Variants in MYO1D observed in about 807,000 individuals in gnomAD.
MYO1D encodes the protein unconventional myosin-Id.
MYO1D carries 83 observed loss-of-function variants against 122.0 expected under a neutral mutation model. The ratio of observed to expected loss-of-function variants is 0.68; its 90% CI spans 0.57 to 0.82. MYO1D has a LOEUF of 0.82. MYO1D is among the 40% of genes least tolerant of loss of function. The pLI is 0.00. For missense variants in MYO1D, 1,157 were observed against 1,269.5 expected, an observed-to-expected ratio of 0.91 and a Z score of 1.35; for synonymous variants, 464 against 446.9, an observed-to-expected ratio of 1.04 and a Z score of -0.48.
At chr17:32,855,326 C>T (rs1047879794) in intron 1 of MYO1D, among the ~76,000 whole-genome samples, 1 of 152,216 alleles carries the variant, frequency 6.6e-6, no homozygotes, top group South Asian at 2.1e-4. Flanking sequence ...CTCCTAATTA[C>T]TGTCCCCTCT....
intron 21 of MYO1D, chr17:32,505,494 G>T (rs1248404054): frequency 2.0e-5 from 3 of 152,244 alleles, no homozygotes; most frequent in Admixed American, 2.0e-4. Context: ...GGAAGTGCCA[G>T]CCTGAACAGG....
At chr17:32,649,665 G>A (rs557240118) in intron 19 of MYO1D, among the ~76,000 whole-genome samples, 2 of 149,166 alleles carry the variant, frequency 1.3e-5, no homozygotes, top group African/African-American at 5.0e-5. Context: ...TCCACCCCCC[G>A]GGTTCAAGGG....
intron 16 of MYO1D, among the ~76,000 whole-genome samples, chr17:32,686,974 C>T (rs1380360031): frequency 1.1e-5 from 1 of 93,062 alleles, no homozygotes; most frequent in Non-Finnish European, 2.2e-5. Flanking sequence ...AACACACACA[C>T]ACACACACAC....
chr17:32,586,152 A>C (rs1039563818), intron 21 of MYO1D, among the ~76,000 whole-genome samples: 1 of 152,226 alleles, frequency 6.6e-6, no homozygotes, highest in African/African-American at 2.4e-5. Context: ...GCCATGGAGA[A>C]ACACCTGAGC....
intron 14 of MYO1D, among the ~76,000 whole-genome samples, chr17:32,732,069 C>T (rs1287432935): frequency 1.3e-5 from 2 of 152,224 alleles, no homozygotes; most frequent in African/African-American, 2.4e-5. Flanking sequence ...GCTGATATGC[C>T]AGCCCCCTGC....
chr17:32,539,664 G>A (rs1910779880), intron 21 of MYO1D, among the ~76,000 whole-genome samples: 1 of 152,054 alleles, frequency 6.6e-6, no homozygotes, highest in Non-Finnish European at 1.5e-5. Context: ...TCTTTTATAA[G>A]GATTTATTAG....
chr17:32,765,874 A>T (rs574024979), intron 7 of MYO1D, among the ~76,000 whole-genome samples: 1 of 152,054 alleles, frequency 6.6e-6, no homozygotes, highest in East Asian at 1.9e-4. Context: ...TGAACAGTCT[A>T]GCTTTTTCTG....
intron 16 of MYO1D, among the ~76,000 whole-genome samples, chr17:32,699,198 C>T (rs1356462392): frequency 1.3e-5 from 2 of 152,112 alleles, no homozygotes; most frequent in African/African-American, 2.4e-5. Context: ...CTCCCGACCT[C>T]GTGATCCCCC....
chr17:32,797,646 T>C (rs2090429168), intron 1 of MYO1D, among the ~76,000 whole-genome samples: 1 of 152,178 alleles, frequency 6.6e-6, no homozygotes. Flanking sequence ...AAAAACAGTA[T>C]ATATAGTGTT....
intron 6 of MYO1D, 97 bp downstream of exon 6, chr17:32,771,028 C>T (rs2090107394): frequency 1.2e-6 from 1 of 828,012 alleles, no homozygotes; most frequent in South Asian, 2.1e-5. Flanking sequence ...TGTTTATTTG[C>T]CTAAAGATAG....
intron 19 of MYO1D, among the ~76,000 whole-genome samples, chr17:32,653,579 C>T (rs1382363329): frequency 7.1e-6 from 1 of 140,940 alleles, no homozygotes; most frequent in Admixed American, 7.6e-5. Flanking sequence ...GCTGTCCAGC[C>T]TGGACAACAT....
chr17:32,564,263 G>C (rs1815250212), intron 21 of MYO1D, among the ~76,000 whole-genome samples: 1 of 152,152 alleles, frequency 6.6e-6, no homozygotes, highest in African/African-American at 2.4e-5. Context: ...GCTGAGAAGG[G>C]GGCTGTCAAC....
intron 14 of MYO1D, among the ~76,000 whole-genome samples, chr17:32,737,072 T>TAGTG (rs1405914682): frequency 2.6e-5 from 4 of 152,144 alleles, no homozygotes; most frequent in Non-Finnish European, 4.4e-5. Context: ...AATTTATCTA[T>TAGTG]AGTGAAGTAA....
chr17:32,873,067 C>T (rs1234520518), intron 1 of MYO1D, among the ~76,000 whole-genome samples: 1 of 152,126 alleles, frequency 6.6e-6, no homozygotes, highest in Non-Finnish European at 1.5e-5. Context: ...AAAAATCAAG[C>T]TTTAGCTCCA....
Position 32,554,246 on chromosome 17 carries a change from T to C in MYO1D, c.2864+50841A>G, listed in dbSNP as rs913013717. On this transcript the variant is annotated intron_variant, in intron 21 of 21. Transcript: ENST00000318217. Reference sequence around the variant, plus strand: ...ACCTGAGGTTGAGAATCACTGCACATAGTGAGAGCTACTCCTGATGGGTGT... The same window carrying C: ...ACCTGAGGTTGAGAATCACTGCACACAGTGAGAGCTACTCCTGATGGGTGT... Among the ~76,000 whole-genome samples the C allele has an allele frequency of 2.1e-5, 3 of 146,222 alleles. No homozygotes were observed. The East Asian group carries it at 6.9e-4, about 34-fold the overall frequency.
intron 21 of MYO1D, chr17:32,519,458 C>A: frequency 6.6e-6 from 1 of 152,554 alleles, no homozygotes; most frequent in South Asian, 2.0e-4. Flanking sequence ...CTGCACCCGC[C>A]GGGTGGGCTC....
At chr17:32,865,615 T>C (rs1024311988) in intron 1 of MYO1D, among the ~76,000 whole-genome samples, 6 of 152,210 alleles carry the variant, frequency 3.9e-5, no homozygotes, top group Non-Finnish European at 8.8e-5. Flanking sequence ...GAGTAAACAA[T>C]CTTTTTATTA....
intron 21 of MYO1D, among the ~76,000 whole-genome samples, chr17:32,525,011 G>A (rs112425417): frequency 0.017 from 2,637 of 152,276 alleles, 58 homozygotes; most frequent in Middle Eastern, 0.048. Context: ...CCTACATCTC[G>A]TTACTTTTGT....
chr17:32,637,302 G>A (rs545185430), intron 20 of MYO1D, among the ~76,000 whole-genome samples: 1 of 152,294 alleles, frequency 6.6e-6, no homozygotes, highest in East Asian at 1.9e-4. Flanking sequence ...CTTCAAGATT[G>A]GAGGGTTATT....
Sources: gnomAD v4.1 joint callset for allele counts (sites outside exome capture counted in the v4.1 genomes callset) on GRCh38, gnomAD v4.1.1 for gene constraint, MANE v1.5 for transcripts, NCBI Gene and HGNC (gene_info 2026-07-23, HGNC 2026-07-21) for gene names.